TNPO3: variants seen among roughly 807,000 people sequenced by gnomAD.
The protein encoded by TNPO3 is transportin 3, also known as transportin-3.
A neutral mutation model predicts 122.8 loss-of-function variants in TNPO3; 65 were observed. That is an observed-to-expected ratio of 0.53 (90% confidence interval 0.43 to 0.65). The LOEUF is 0.65. Among genes scored for constraint, TNPO3 ranks in the 30% least tolerant of loss-of-function variants. The pLI is 0.00. For synonymous variants in TNPO3, 372 were observed against 411.2 expected (o/e 0.90, Z 1.15); for missense variants, 850 against 1,136.7 (o/e 0.75, Z 3.63).
intron 1 of TNPO3, among the ~76,000 whole-genome samples, chr7:129,045,946 T>C (rs540860791): frequency 1.3e-5 from 2 of 152,246 alleles, no homozygotes; most frequent in South Asian, 2.1e-4. Context: ...ATGCCTGTAA[T>C]CCCAGCACTC....
chr7:128,990,748 C>T (rs1257483633), intron 10 of TNPO3, among the ~76,000 whole-genome samples: 1 of 152,188 alleles, frequency 6.6e-6, no homozygotes, highest in Non-Finnish European at 1.5e-5. Context: ...TTTATCTGTT[C>T]CCTCTCCTCC....
intron 21 of TNPO3, among the ~76,000 whole-genome samples, chr7:128,964,188 T>G (rs1180848663): frequency 6.6e-6 from 1 of 152,106 alleles, no homozygotes; most frequent in Non-Finnish European, 1.5e-5. Context: ...ATTTGGAGAT[T>G]TAATATTGTT....
chr7:128,993,686 A>G (rs546851557), intron 9 of TNPO3, 121 bp downstream of exon 9: 1 of 796,932 alleles, frequency 1.3e-6, no homozygotes, highest in South Asian at 1.8e-5. Context: ...GCACTTGCAT[A>G]TCTATTATCT....
chr7:128,971,187 C>T (rs1585325455), intron 19 of TNPO3, among the ~76,000 whole-genome samples: 1 of 151,580 alleles, frequency 6.6e-6, no homozygotes, highest in East Asian at 1.9e-4. Flanking sequence ...GCTCTGTCAC[C>T]CAGGCTGGAG....
rs369468599 is a variant in TNPO3 at position 128,999,384 on chromosome 7, G to A, written c.1011+1045C>T. On this transcript the variant is annotated intron_variant, in intron 7 of 22. Coordinates refer to ENST00000265388, the MANE Select transcript of TNPO3 (RefSeq NM_012470.4). Reference sequence around the variant, plus strand: ...TTTAAAGGAGTGATAACTGCGTGGTGTTACATTCTCCCAGAAATGTTTTGG... The same window carrying A: ...TTTAAAGGAGTGATAACTGCGTGGTATTACATTCTCCCAGAAATGTTTTGG... Among the ~76,000 whole-genome samples the A allele has an allele frequency of 2.0e-3, 305 of 152,276 alleles. 1 individual carries two copies. Among genetic ancestry groups the A allele is most frequent in the Middle Eastern group, 6.8e-3 (2 of 292 alleles).
chr7:129,041,194 C>G (rs1284968217), intron 1 of TNPO3, among the ~76,000 whole-genome samples: 1 of 151,922 alleles, frequency 6.6e-6, no homozygotes, highest in East Asian at 1.9e-4. Flanking sequence ...TAGCAAGATC[C>G]TGTCTCTAAA....
chr7:128,999,435 G>A (rs150141097), intron 7 of TNPO3, among the ~76,000 whole-genome samples: 2 of 152,132 alleles, frequency 1.3e-5, no homozygotes, highest in African/African-American at 4.8e-5. Flanking sequence ...AGGTATCCTC[G>A]TAACATTATG....
At chr7:129,004,941 C>T in intron 5 of TNPO3, 75 bp downstream of exon 5, 9 of 1,478,948 alleles carry the variant, frequency 6.1e-6, no homozygotes, top group Non-Finnish European at 7.3e-6. Flanking sequence ...AATTTAAAAA[C>T]GTTTTTATGT....
intron 21 of TNPO3, among the ~76,000 whole-genome samples, chr7:128,959,862 A>T (rs1292093642): frequency 8.5e-5 from 13 of 152,112 alleles, no homozygotes; most frequent in Admixed American, 8.5e-4. Context: ...CTCCACTAAA[A>T]AGACAAAAAT....
chr7:129,051,323 G>C (rs1808736667), intron 1 of TNPO3, among the ~76,000 whole-genome samples: 1 of 150,552 alleles, frequency 6.6e-6, no homozygotes, highest in African/African-American at 2.4e-5. Flanking sequence ...GATCACAGCA[G>C]AATGTCTGAA....
intron 8 of TNPO3, 70 bp downstream of exon 8, chr7:128,997,319 A>T (rs946258401): frequency 1.3e-6 from 2 of 1,562,648 alleles, no homozygotes; most frequent in East Asian, 4.5e-5. Flanking sequence ...CTATCTTCTC[A>T]GTTCCTTTTC....
At chr7:128,965,980 GA>G (rs1797891580) in intron 21 of TNPO3, among the ~76,000 whole-genome samples, 2 of 152,218 alleles carry the variant, frequency 1.3e-5, no homozygotes, top group African/African-American at 2.4e-5. Flanking sequence ...TTTACAAGAT[GA>G]AAAAGTTCTT....
chr7:128,981,449 A>G (rs1172173378), intron 14 of TNPO3, among the ~76,000 whole-genome samples: 4 of 152,212 alleles, frequency 2.6e-5, no homozygotes, highest in Admixed American at 2.0e-4. Context: ...AAACTTCATT[A>G]TATTTTTGTA....
At chr7:128,973,614 T>C (rs2128996680) in intron 18 of TNPO3, among the ~76,000 whole-genome samples, 2 of 150,502 alleles carry the variant, frequency 1.3e-5, no homozygotes, top group East Asian at 3.9e-4. Context: ...CGGGTGCCTG[T>C]AGTCCCAGCT....
rs1485089298 is a variant in TNPO3 at position 128,959,165 on chromosome 7, A to C, written c.2712-1850T>G. 2.6e-5 allele frequency among the ~76,000 whole-genome samples: 4 copies of C among 152,230 alleles called. No homozygotes were observed. In the East Asian group the frequency reaches 7.7e-4, roughly 29 times the overall value. On this transcript the variant is annotated intron_variant, in intron 21 of 22. Transcript: ENST00000265388. ...GGAGGCAGCCAGGGTATGTGAGCCCATATCACTCATGCTCCCAATGTCAGG... is the reference window on the plus strand; with the variant it reads ...GGAGGCAGCCAGGGTATGTGAGCCCCTATCACTCATGCTCCCAATGTCAGG...
intron 12 of TNPO3, among the ~76,000 whole-genome samples, chr7:128,986,488 G>A (rs958961818): frequency 6.6e-6 from 1 of 152,140 alleles, no homozygotes; most frequent in African/African-American, 2.4e-5. Flanking sequence ...CCAAATCTAG[G>A]TCGGTGCTAT....
intron 1 of TNPO3, among the ~76,000 whole-genome samples, chr7:129,049,302 A>G (rs994636382): frequency 1.3e-5 from 2 of 152,204 alleles, no homozygotes; most frequent in Non-Finnish European, 2.9e-5. Flanking sequence ...GATAAACCAA[A>G]AGATCAAGGT....
chr7:129,048,728 T>C (rs1391259258), intron 1 of TNPO3, among the ~76,000 whole-genome samples: 1 of 151,702 alleles, frequency 6.6e-6, no homozygotes, highest in African/African-American at 2.4e-5. Context: ...TAACCATGTA[T>C]ATGGTGAAAA....
intron 16 of TNPO3, among the ~76,000 whole-genome samples, chr7:128,976,224 C>A (rs912188856): frequency 6.6e-5 from 10 of 152,174 alleles, no homozygotes; most frequent in Admixed American, 4.6e-4. Flanking sequence ...AAAACCCCAG[C>A]ACAGAATATT....
Sources: allele counts gnomAD v4.1 joint callset (sites outside exome capture counted in the v4.1 genomes callset), GRCh38; gene constraint gnomAD v4.1.1; transcripts MANE v1.5; gene names NCBI Gene and HGNC (gene_info 2026-07-23, HGNC 2026-07-21).